The following ESRRB variants were observed in gnomAD, a reference collection of about 807,000 sequenced individuals.
The protein encoded by ESRRB is steroid hormone receptor ERR2.
Under a neutral mutation model 46.0 loss-of-function variants are expected in ESRRB, and 16 were observed. The ratio of observed to expected loss-of-function variants is 0.35; its 90% CI spans 0.24 to 0.53. ESRRB has a LOEUF of 0.53. Ranked by LOEUF, ESRRB falls within the 20% of genes least tolerant of loss-of-function variation. The pLI, the probability that ESRRB is intolerant of heterozygous loss-of-function variation, is 0.93. For missense variants in ESRRB, 488 were observed against 607.4 expected, an observed-to-expected ratio of 0.80 and a Z score of 2.07; for synonymous variants, 246 against 259.6, an observed-to-expected ratio of 0.95 and a Z score of 0.50.
chr14:76,458,964 C>T (rs1243594174), intron 2 of ESRRB, among the ~76,000 whole-genome samples: 1 of 151,964 alleles, frequency 6.6e-6, no homozygotes, highest in East Asian at 1.9e-4. Flanking sequence ...TCTGCCTCAG[C>T]CTCCCGACTA....
In ESRRB at chr14:76,464,896, G is replaced by C. The variant is rs189814894; in HGVS notation, c.577+2235G>C. Among the ~76,000 whole-genome samples the C allele has an allele frequency of 4.2e-4, 64 of 152,134 alleles. No homozygotes were observed. In the South Asian group the frequency reaches 6.9e-3, roughly 16 times the overall value. On this transcript the variant is annotated intron_variant, in intron 3 of 6. Transcript: ENST00000644823. ...GTGCTGGTCTCTTGACTTTCTCTCC[G>C]TGTGGTGCTGGGAATCTGAGGGTTT...
intron 1 of ESRRB, among the ~76,000 whole-genome samples, chr14:76,333,630 A>G (rs2139743322): frequency 6.6e-6 from 1 of 150,690 alleles, no homozygotes; most frequent in South Asian, 2.1e-4. Flanking sequence ...ACTAGGCTAC[A>G]TTTTTTTAAG....
Position 76,439,485 on chromosome 14 carries a change from C to T in ESRRB, c.195C>T (p.Gly65=). 1 of 1,612,388 alleles carries T rather than the reference C, an allele frequency of 6.2e-7. No individual in the cohort carries two copies. Among genetic ancestry groups the T allele is most frequent in the East Asian group, 2.2e-5 (1 of 44,858 alleles). ...SPSGSSDASG[G]FGLALGTHAN... ...GTGGCTCGTCCGACGCCAGCGGCGGCTTTGGCCTGGCCCTGGGCACCCACG... is the reference window on the plus strand; with the variant it reads ...GTGGCTCGTCCGACGCCAGCGGCGGTTTTGGCCTGGCCCTGGGCACCCACG... Residue 65 remains glycine (G), a synonymous_variant, in exon 2 of 7, where the codon GGC becomes GGT. Transcript: ENST00000644823.
intron 1 of ESRRB, among the ~76,000 whole-genome samples, chr14:76,380,922 G>A (rs1263701463): frequency 6.6e-6 from 1 of 152,220 alleles, no homozygotes; most frequent in African/African-American, 2.4e-5. Flanking sequence ...TGAACATCCT[G>A]CCTGTTTGCC....
chr14:76,434,659 C>CAAAAA (rs397964458), intron 1 of ESRRB, among the ~76,000 whole-genome samples: 21 of 127,174 alleles, frequency 1.7e-4, no homozygotes, highest in South Asian at 1.0e-3. Context: ...GACTCTGTCT[C>CAAAAA]AAAAAAAAAA....
At chr14:76,314,995 G>T (rs73310539) in intron 1 of ESRRB, among the ~76,000 whole-genome samples, 2,761 of 152,090 alleles carry the variant, frequency 0.018, 85 homozygotes, top group African/African-American at 0.062. Context: ...TTTGTTTCAC[G>T]TGGGCCTTTT....
At chr14:76,432,672 T>TC (rs966370198) in intron 1 of ESRRB, among the ~76,000 whole-genome samples, 10 of 53,798 alleles carry the variant, frequency 1.9e-4, no homozygotes, top group Admixed American at 6.6e-4. Context: ...TCTCTCTCTC[T>TC]TTTTTTTTTT....
At chr14:76,394,605 G>A (rs1303987587) in intron 1 of ESRRB, among the ~76,000 whole-genome samples, 1 of 152,218 alleles carries the variant, frequency 6.6e-6, no homozygotes, top group Non-Finnish European at 1.5e-5. Context: ...GAGGGCCTTG[G>A]CTACAGTTCT....
At chr14:76,396,148 GGTGACAGA>G (rs1454401039) in intron 1 of ESRRB, among the ~76,000 whole-genome samples, 2 of 151,878 alleles carry the variant, frequency 1.3e-5, no homozygotes, top group Non-Finnish European at 2.9e-5. Context: ...ACTCCAACCT[GGTGACAGA>G]GTGAGACTCC....
intron 1 of ESRRB, among the ~76,000 whole-genome samples, chr14:76,324,040 T>G (rs566727488): frequency 1.7e-4 from 26 of 152,252 alleles, no homozygotes; most frequent in African/African-American, 6.3e-4. Flanking sequence ...GGAGACTAAC[T>G]TAGGTCGGAG....
upstream of ESRRB, among the ~76,000 whole-genome samples, chr14:76,374,763 T>C (rs1292163626): frequency 6.6e-6 from 1 of 152,132 alleles, no homozygotes; most frequent in Admixed American, 6.6e-5. Context: ...AGAGGAGACA[T>C]CTTCATCCAT....
At chr14:76,355,260 C>T (rs1444289563) in intron 1 of ESRRB, among the ~76,000 whole-genome samples, 1 of 152,180 alleles carries the variant, frequency 6.6e-6, no homozygotes, top group Non-Finnish European at 1.5e-5. Context: ...GGGGATGCTG[C>T]TCTATAGGGC....
At chr14:76,442,067 T>G (rs1230217169) in intron 2 of ESRRB, among the ~76,000 whole-genome samples, 1 of 152,234 alleles carries the variant, frequency 6.6e-6, no homozygotes, top group Admixed American at 6.5e-5. Context: ...GTTGAGATGG[T>G]GTGGTGCATT....
chr14:76,481,042 C>A lies in ESRRB; in HGVS notation c.578-974C>A, dbSNP rs1889786440. ...TGAGGCTGGCCTGGAAGAGCCACAG[C>A]AAGAAGGCAGAAGTGGCTTCCAGGC... On this transcript the variant is annotated intron_variant, in intron 3 of 6. Coordinates refer to ENST00000644823, the MANE Select transcript of ESRRB (RefSeq NM_001379180.1). Among the ~76,000 whole-genome samples, 3 of 152,190 alleles carry A rather than the reference C, an allele frequency of 2.0e-5. No individual in the cohort carries two copies. The South Asian group carries it at 6.2e-4, about 31-fold the overall frequency.
chr14:76,355,010 C>T (rs758035674), intron 1 of ESRRB, among the ~76,000 whole-genome samples: 7 of 151,578 alleles, frequency 4.6e-5, no homozygotes, highest in African/African-American at 7.3e-5. Flanking sequence ...CATGCCCGGC[C>T]GGTCCTGGGC....
intron 3 of ESRRB, among the ~76,000 whole-genome samples, chr14:76,472,383 C>G (rs903402822): frequency 6.6e-5 from 10 of 152,202 alleles, no homozygotes; most frequent in Admixed American, 1.3e-4. Context: ...GAGCTCATCA[C>G]TCACTAACAC....
chr14:76,466,724 T>TG (rs5809759), intron 3 of ESRRB, among the ~76,000 whole-genome samples: 8,262 of 152,122 alleles, frequency 0.054, 228 homozygotes, highest in Middle Eastern at 0.075. Context: ...TAATTTTTTT[T>TG]TTTTCTTTTG....
rs772429911 is a variant in ESRRB at position 76,379,365 on chromosome 14, G to A, written c.50+2914G>A. ...AGGGGGGCTATCTTCCCCACCGTCCGATGACCACTTTGCTGTTGTTAAAGA... is the reference window on the plus strand; with the variant it reads ...AGGGGGGCTATCTTCCCCACCGTCCAATGACCACTTTGCTGTTGTTAAAGA... On this transcript the variant is annotated intron_variant, in intron 1 of 6. Transcript: ENST00000644823. Among the ~76,000 whole-genome samples, 28 of 151,340 alleles carry A rather than the reference G, an allele frequency of 1.9e-4. 1 individual carries two copies. The highest frequency in any genetic ancestry group is 4.0e-4 in the Admixed American group (6 of 15,088).
intron 2 of ESRRB, among the ~76,000 whole-genome samples, chr14:76,441,288 G>A (rs759832058): frequency 3.9e-5 from 6 of 152,308 alleles, no homozygotes; most frequent in South Asian, 2.1e-4. Context: ...CCCTCTTTCT[G>A]TGGGTACTAG....
Sources: allele counts gnomAD v4.1 joint callset (sites outside exome capture counted in the v4.1 genomes callset), GRCh38; gene constraint gnomAD v4.1.1; transcripts MANE v1.5; gene names NCBI Gene and HGNC (gene_info 2026-07-23, HGNC 2026-07-21).